RALY: variants seen among roughly 807,000 people sequenced by gnomAD.
The protein encoded by RALY is RALY heterogeneous nuclear ribonucleoprotein.
In RALY, 15 loss-of-function variants were observed where a neutral mutation model predicts 30.7. The observed-to-expected ratio is 0.49, with a 90% confidence interval of 0.33 to 0.75. The LOEUF is 0.75. RALY is among the 30% of genes least tolerant of loss of function. The pLI is 0.02. For synonymous variants in RALY, 177 were observed against 170.8 expected, an observed-to-expected ratio of 1.04 and a Z score of -0.28; for missense variants, 339 against 414.3, an observed-to-expected ratio of 0.82 and a Z score of 1.58.
At chr20:34,056,144 C>T (rs2033235942) in intron 2 of RALY, among the ~76,000 whole-genome samples, 1 of 152,182 alleles carries the variant, frequency 6.6e-6, no homozygotes, top group Admixed American at 6.5e-5. Flanking sequence ...CTAGTATCAT[C>T]GGCATCATTT....
At chr20:34,011,426 C>T (rs2031394387) in intron 1 of RALY, among the ~76,000 whole-genome samples, 3 of 152,118 alleles carry the variant, frequency 2.0e-5, no homozygotes, top group Non-Finnish European at 4.4e-5. Flanking sequence ...TTTTACATAT[C>T]AGACAAAAAC....
chr20:34,068,035 G>A (rs1229832850), intron 2 of RALY, among the ~76,000 whole-genome samples: 1 of 152,096 alleles, frequency 6.6e-6, no homozygotes, highest in African/African-American at 2.4e-5. Flanking sequence ...CCGAGTAAGA[G>A]CATTTATAAG....
chr20:34,070,355 T>G (rs2033691761), intron 2 of RALY, among the ~76,000 whole-genome samples: 1 of 151,796 alleles, frequency 6.6e-6, no homozygotes, highest in Admixed American at 6.5e-5. Context: ...AAATTGAGCT[T>G]CTCTCCTTTC....
chr20:34,028,147 G>A lies in RALY; in HGVS notation c.-92-3375G>A, dbSNP rs150038953. ...CTAAAAACACAAAAATTAGCCAGAC[G>A]TGGTGGCACGTGCCTGTAATCCTAG... On this transcript the variant is annotated intron_variant, in intron 1 of 9. Coordinates refer to ENST00000246194, the MANE Select transcript of RALY (RefSeq NM_016732.3). Among the ~76,000 whole-genome samples the A allele has an allele frequency of 4.2e-3, 641 of 152,210 alleles. 2 individuals carry two copies. The highest frequency in any genetic ancestry group is 5.9e-3 in the Non-Finnish European group (404 of 68,014).
chr20:33,996,818 C>A (rs2030655326), intron 1 of RALY, among the ~76,000 whole-genome samples: 1 of 152,130 alleles, frequency 6.6e-6, no homozygotes, highest in South Asian at 2.1e-4. Flanking sequence ...TGAAAACTAT[C>A]GTTCTACTTT....
intron 2 of RALY, among the ~76,000 whole-genome samples, chr20:34,054,829 AGAAAG>A (rs1181055713): frequency 3.7e-4 from 55 of 150,546 alleles, no homozygotes; most frequent in African/African-American, 1.3e-3. Flanking sequence ...AAAAAAAAAA[AGAAAG>A]AAAGAAAGAA....
chr20:34,044,696 A>T (rs2032819954), intron 2 of RALY, among the ~76,000 whole-genome samples: 1 of 152,160 alleles, frequency 6.6e-6, no homozygotes, highest in African/African-American at 2.4e-5. Context: ...AGCCAGAAGG[A>T]CAGATTGGAC....
intron 1 of RALY, among the ~76,000 whole-genome samples, chr20:34,018,541 T>C (rs2031693698): frequency 6.6e-6 from 1 of 152,214 alleles, no homozygotes; most frequent in African/African-American, 2.4e-5. Flanking sequence ...CATTTTTAAC[T>C]CTAATTACCC....
chr20:34,078,836 T>C (rs2033967643), intron 9 of RALY, among the ~76,000 whole-genome samples: 1 of 152,170 alleles, frequency 6.6e-6, no homozygotes, highest in Non-Finnish European at 1.5e-5. Flanking sequence ...GTCTCTGCCC[T>C]TGAGGAGCTC....
At chr20:34,058,218 T>C (rs978886093) in intron 2 of RALY, among the ~76,000 whole-genome samples, 1 of 152,202 alleles carries the variant, frequency 6.6e-6, no homozygotes, top group Non-Finnish European at 1.5e-5. Context: ...GGGTGTGTTA[T>C]ACCTGTCGTT....
At chr20:34,059,775 T>C (rs2033361291) in intron 2 of RALY, among the ~76,000 whole-genome samples, 1 of 152,142 alleles carries the variant, frequency 6.6e-6, no homozygotes, top group Non-Finnish European at 1.5e-5. Context: ...GCACCCTTAC[T>C]CAGCCACAGA....
chr20:34,002,541 G>A (rs943319286), intron 1 of RALY, among the ~76,000 whole-genome samples: 1 of 152,212 alleles, frequency 6.6e-6, no homozygotes, highest in Non-Finnish European at 1.5e-5. Context: ...GGTTCAAACG[G>A]AAAATAACAT....
chr20:34,008,374 G>C (rs1252162771), intron 1 of RALY, among the ~76,000 whole-genome samples: 4 of 152,142 alleles, frequency 2.6e-5, no homozygotes, highest in Non-Finnish European at 4.4e-5. Flanking sequence ...GCGTTGTACT[G>C]TTCACTCCCA....
intron 2 of RALY, among the ~76,000 whole-genome samples, chr20:34,067,936 G>GA (rs2033623980): frequency 6.6e-6 from 1 of 151,626 alleles, no homozygotes; most frequent in African/African-American, 2.4e-5. Flanking sequence ...AGCGTCAGAA[G>GA]ACCCATGGGG....
intron 1 of RALY, among the ~76,000 whole-genome samples, chr20:34,028,218 G>A (rs773013990): frequency 4.3e-4 from 66 of 151,874 alleles, no homozygotes; most frequent in Non-Finnish European, 3.8e-4. Flanking sequence ...ACCAGGAGGC[G>A]GAGGTTGCAG....
At chr20:34,023,659 C>T (rs932733458) in intron 1 of RALY, among the ~76,000 whole-genome samples, 2 of 151,914 alleles carry the variant, frequency 1.3e-5, no homozygotes, top group Admixed American at 1.3e-4. Context: ...GAATAAAGCA[C>T]CTAATTTTGT....
intron 2 of RALY, among the ~76,000 whole-genome samples, chr20:34,061,674 A>G (rs1161282362): frequency 6.6e-6 from 1 of 152,204 alleles, no homozygotes; most frequent in African/African-American, 2.4e-5. Flanking sequence ...ATGGTAAATA[A>G]TATTTTGAGT....
intron 1 of RALY, among the ~76,000 whole-genome samples, chr20:33,999,108 T>TGACAGA (rs2030783585): frequency 7.3e-6 from 1 of 137,796 alleles, no homozygotes. Flanking sequence ...CCAGCCTGGG[T>TGACAGA]GTGAGACTCC....
At position 34,004,878 on chromosome 20, in the gene RALY, A is replaced by G. The variant is rs373724920; in HGVS notation, c.-93+10747A>G. Among the ~76,000 whole-genome samples, 5 of 152,320 alleles carry G rather than the reference A, an allele frequency of 3.3e-5. No individual in the cohort carries two copies. In the South Asian group the frequency reaches 8.3e-4, roughly 25 times the overall value. On this transcript the variant is annotated intron_variant, in intron 1 of 9. Coordinates refer to ENST00000246194, the MANE Select transcript of RALY (RefSeq NM_016732.3). ...AATTGCCATTTCTTTGTCAGCTTTT[A>G]TCCTGCCGGTGGACCCTAGCTGGGT...
Sources: allele counts gnomAD v4.1 joint callset (sites outside exome capture counted in the v4.1 genomes callset), GRCh38; gene constraint gnomAD v4.1.1; transcripts MANE v1.5; gene names NCBI Gene and HGNC (gene_info 2026-07-23, HGNC 2026-07-21).